The following BRD10 variants were observed in gnomAD, a reference collection of about 807,000 sequenced individuals.
BRD10 encodes the protein bromodomain containing 10, also known as uncharacterized bromodomain-containing protein 10.
At chr9:5,939,087 C>G in the BRD10 span, among the ~76,000 whole-genome samples, 2 of 151,854 alleles carry the variant, frequency 1.3e-5, no homozygotes, top group African/African-American at 4.8e-5. Flanking sequence ...CATTATCCTT[C>G]AATAGAATAG....
At chr9:5,923,074 G>C in the BRD10 span, 10 of 1,613,936 alleles carry the variant, frequency 6.2e-6, no homozygotes, top group Middle Eastern at 3.3e-4. Flanking sequence ...TTGATTCACT[G>C]AAACAGTCAA....
the BRD10 span, among the ~76,000 whole-genome samples, chr9:5,939,657 A>G: frequency 6.2e-4 from 95 of 152,322 alleles, 3 homozygotes; most frequent in South Asian, 0.019. Flanking sequence ...TTTCTCTCCA[A>G]GTAAGTTGGC....
the BRD10 span, among the ~76,000 whole-genome samples, chr9:5,977,753 T>C: frequency 6.6e-6 from 1 of 152,104 alleles, no homozygotes. Flanking sequence ...GAGAATGGTG[T>C]GAACCCAGGA....
the BRD10 span, among the ~76,000 whole-genome samples, chr9:5,888,651 T>G: frequency 6.6e-6 from 1 of 152,174 alleles, no homozygotes; most frequent in African/African-American, 2.4e-5. Context: ...GCCTGGAAGA[T>G]GAGGAGCTGG....
At chr9:5,883,913 C>G in the BRD10 span, among the ~76,000 whole-genome samples, 2 of 152,164 alleles carry the variant, frequency 1.3e-5, no homozygotes, top group Non-Finnish European at 2.9e-5. Context: ...AGGGTTTGCT[C>G]CATGCCAGAC....
the BRD10 span, among the ~76,000 whole-genome samples, chr9:5,985,434 G>A: frequency 5.9e-5 from 9 of 152,188 alleles, no homozygotes; most frequent in East Asian, 1.3e-3. Flanking sequence ...GAAGGCCATG[G>A]ACTGAGAAAA....
the BRD10 span, among the ~76,000 whole-genome samples, chr9:6,006,918 C>A: frequency 6.6e-6 from 1 of 152,224 alleles, no homozygotes; most frequent in African/African-American, 2.4e-5. Context: ...ATTCTTCCTA[C>A]GGGACCCATT....
At chr9:5,995,892 A>T in the BRD10 span, among the ~76,000 whole-genome samples, 1 of 152,246 alleles carries the variant, frequency 6.6e-6, no homozygotes, top group African/African-American at 2.4e-5. Context: ...AAAAGTATAA[A>T]CATCAAAGAT....
chr9:5,890,175 T>C, the BRD10 span, among the ~76,000 whole-genome samples: 1,453 of 152,330 alleles, frequency 9.5e-3, 25 homozygotes, highest in African/African-American at 0.033. Context: ...ATAAGCGTGA[T>C]GATTGGGTTT....
the BRD10 span, among the ~76,000 whole-genome samples, chr9:5,960,199 G>C: frequency 6.6e-6 from 1 of 152,086 alleles, no homozygotes; most frequent in African/African-American, 2.4e-5. Context: ...ACCTATAAGA[G>C]AATAAGACCA....
At chr9:5,922,333 G>C in the BRD10 span, 3 of 1,613,972 alleles carry the variant, frequency 1.9e-6, no homozygotes, top group Non-Finnish European at 2.5e-6. Flanking sequence ...CACTGGGCAA[G>C]GAGAATGTGG....
At chr9:5,942,138 AT>A in the BRD10 span, among the ~76,000 whole-genome samples, 1 of 152,134 alleles carries the variant, frequency 6.6e-6, no homozygotes, top group Non-Finnish European at 1.5e-5. Context: ...TGACAGTGAA[AT>A]ACTCTTATGA....
At chr9:5,922,823 G>A in the BRD10 span, 9 of 1,613,868 alleles carry the variant, frequency 5.6e-6, no homozygotes, top group East Asian at 2.2e-5. Context: ...AGGACCTTTT[G>A]TATTGGTGTG....
At chr9:5,922,265 C>T in the BRD10 span, 1 of 1,613,826 alleles carries the variant, frequency 6.2e-7, no homozygotes, top group Non-Finnish European at 8.5e-7. Context: ...ATTTGTAGAC[C>T]CATTTAGTGT....
At chr9:5,955,136 A>G in the BRD10 span, among the ~76,000 whole-genome samples, 1 of 152,120 alleles carries the variant, frequency 6.6e-6, no homozygotes. Flanking sequence ...TTAGAAACAC[A>G]TTAAAAGTTT....
At chr9:5,900,783 G>A in the BRD10 span, among the ~76,000 whole-genome samples, 90 of 152,342 alleles carry the variant, frequency 5.9e-4, 2 homozygotes, top group African/African-American at 2.0e-3. Context: ...AGTGGGAAAT[G>A]ATTTGTAATA....
At chr9:5,997,438 T>TA in the BRD10 span, among the ~76,000 whole-genome samples, 1 of 45,852 alleles carries the variant, frequency 2.2e-5, no homozygotes, top group Admixed American at 2.1e-4. Context: ...CATGAAAAAA[T>TA]GGGTTTTTTT....
the BRD10 span, among the ~76,000 whole-genome samples, chr9:5,939,908 T>C: frequency 3.3e-5 from 5 of 152,252 alleles, no homozygotes; most frequent in African/African-American, 1.2e-4. Flanking sequence ...GGGAGCAAAA[T>C]CATTCCTGAT....
chr9:5,949,844 A>G, the BRD10 span, among the ~76,000 whole-genome samples: 4 of 152,228 alleles, frequency 2.6e-5, no homozygotes, highest in Non-Finnish European at 5.9e-5. Flanking sequence ...AAGACTTTTT[A>G]GGAAAAAGTA....
Sources: gnomAD v4.1 joint callset for allele counts (sites outside exome capture counted in the v4.1 genomes callset) on GRCh38, gnomAD v4.1.1 for gene constraint, MANE v1.5 for transcripts, NCBI Gene and HGNC (gene_info 2026-07-23, HGNC 2026-07-21) for gene names.